ARMC5: variants seen among roughly 807,000 people sequenced by gnomAD.
ARMC5 encodes armadillo repeat containing 5.
Under a neutral mutation model 60.5 loss-of-function variants are expected in ARMC5, and 28 were observed. The observed-to-expected ratio is 0.46, with a 90% CI of 0.34 to 0.63. The LOEUF (loss-of-function observed/expected upper bound fraction) is 0.63, where lower values mean the gene tolerates loss of function less well. ARMC5 is among the 30% of genes least tolerant of loss of function. ARMC5 has a pLI of 0.01. For synonymous variants in ARMC5, 680 were observed against 607.3 expected, an observed-to-expected ratio of 1.12 and a Z score of -1.76; for missense variants, 1,189 against 1,304.9, an observed-to-expected ratio of 0.91 and a Z score of 1.37.
At chr16:31,460,294 G>A (rs755587315) in intron 1 of ARMC5, 94 of 391,794 alleles carry the variant, frequency 2.4e-4, no homozygotes, top group Non-Finnish European at 3.4e-4. Context: ...TTTTTCAGAT[G>A]ATTCTTACCG....
rs145044900 is a variant in ARMC5, at chr16:31,460,696, A to T, written c.475+697A>T. On this transcript the variant is annotated intron_variant, in intron 1 of 5. Transcript: ENST00000268314. ...CAGTGAACAATGACTGCCTGTGAAT[A>T]GCCACTGCATTCCAGCCTGGGCAAC... Among the ~76,000 whole-genome samples, 597 of 152,330 alleles carry T rather than the reference A, an allele frequency of 3.9e-3. 4 individuals carry two copies. Among genetic ancestry groups the T allele is most frequent in the African/African-American group, 0.014 (570 of 41,574 alleles).
rs184376263 is a variant in ARMC5 at position 31,459,866 on chromosome 16, G to T, written c.342G>T (p.Val114=). Residue 114 remains valine (V), a synonymous_variant, in exon 1 of 6, where the codon GTG becomes GTT. Coordinates refer to ENST00000268314, the MANE Select transcript of ARMC5 (RefSeq NM_001105247.2). ...APASGPAPSA[V]SSSSPTPPVR... ...CGTCGGGCCCCGCCCCCTCCGCTGT[G>T]TCGTCGTCTAGTCCTACGCCGCCAG... is the stretch of plus-strand genomic sequence containing the variant. 1.0e-4 allele frequency: 166 copies of T among 1,601,726 alleles called. 1 individual carries two copies. In the East Asian group the frequency reaches 3.3e-3, roughly 32 times the overall value.
At chr16:31,463,683 C>T (rs955266134) in intron 3 of ARMC5, among the ~76,000 whole-genome samples, 1 of 152,130 alleles carries the variant, frequency 6.6e-6, no homozygotes, top group Non-Finnish European at 1.5e-5. Flanking sequence ...GTAGGGATTA[C>T]AGATGTGAGC....
chr16:31,458,343 T>C (rs1596597789), upstream of ARMC5: 4 of 1,479,080 alleles, frequency 2.7e-6, no homozygotes, highest in East Asian at 9.8e-5. Context: ...TGGATCAGGT[T>C]GGAGCTGACG....
chr16:31,462,364 T>A lies in ARMC5; in HGVS notation c.817T>A (p.Cys273Ser). Reference sequence around the variant, plus strand: ...ACTCAGCCGAGGCTGCTCCCGGGCCTGTGCTGAGCAGCTAAGTCTGGGTGG... The same window carrying A: ...ACTCAGCCGAGGCTGCTCCCGGGCCAGTGCTGAGCAGCTAAGTCTGGGTGG... ...LELSRGCSRACAEQLSLGGGL... is the reference protein window; with the variant it reads ...LELSRGCSRASAEQLSLGGGL... The change falls in exon 3 of 6, where the codon TGT (cysteine) becomes AGT (serine). Residue 273 changes from cysteine to serine, a missense_variant. By Grantham distance (112) the Cys-to-Ser change is moderately radical. Around this residue, in one of 2 missense-constraint regions of ARMC5, gnomAD observed 862 missense variants for 1,071.2 expected, o/e 0.80. Transcript: ENST00000268314. The surrounding 1 kb of genome is among the most constrained non-coding windows in gnomAD (Gnocchi z 7.2). 1 of 1,609,550 alleles carries A rather than the reference T, an allele frequency of 6.2e-7. No individual in the cohort carries two copies. The highest frequency in any genetic ancestry group is 8.5e-7 in the Non-Finnish European group (1 of 1,177,446).
At position 31,464,497 on chromosome 16, in the gene ARMC5, G is replaced by T; in HGVS notation, c.1474G>T (p.Ala492Ser). Residue 492 changes from alanine to serine, a missense_variant, in exon 4 of 6, where the codon GCC (alanine) becomes TCC (serine). Transcript: ENST00000268314. The surrounding 1 kb of genome is among the most constrained non-coding windows in gnomAD (Gnocchi z 7.6). The part of the protein sequence containing the change: ...PPEPMEPASP[A>S]PTPTSLRAPR... ...GGAGCCCATGGAGCCGGCCAGCCCCGCCCCGACCCCGACCTCGCTGCGGGC... is the reference window on the plus strand; with the variant it reads ...GGAGCCCATGGAGCCGGCCAGCCCCTCCCCGACCCCGACCTCGCTGCGGGC... 5.6e-6 allele frequency: 9 copies of T among 1,607,766 alleles called. No homozygotes were observed. The highest frequency in any genetic ancestry group is 1.7e-4 in the Middle Eastern group (1 of 6,040).
At chr16:31,460,116 C>G in intron 1 of ARMC5, 117 bp downstream of exon 1, 1 of 1,119,056 alleles carries the variant, frequency 8.9e-7, no homozygotes, top group South Asian at 1.3e-5. Flanking sequence ...TTTGTGATGG[C>G]GCATCGCTCC....
At chr16:31,458,547 G>T, upstream of ARMC5, 2 of 1,520,802 alleles carry the variant, frequency 1.3e-6, no homozygotes, top group Non-Finnish European at 1.8e-6. Flanking sequence ...GAATGAAGCC[G>T]GGGAGGCAGG....
At position 31,459,868 on chromosome 16, in the gene ARMC5, C is replaced by T. The variant is rs771753877; in HGVS notation, c.344C>T (p.Ser115Leu). Residue 115 changes from serine (S) to leucine (L), a missense_variant, in exon 1 of 6, where the codon TCG becomes TTG. Coordinates refer to ENST00000268314, the MANE Select transcript of ARMC5 (RefSeq NM_001105247.2). Reference protein sequence around the residue: ...PASGPAPSAVSSSSPTPPVRL... With the variant: ...PASGPAPSAVLSSSPTPPVRL... ...TCGGGCCCCGCCCCCTCCGCTGTGT[C>T]GTCGTCTAGTCCTACGCCGCCAGTG... 6.9e-6 allele frequency: 11 copies of T among 1,602,080 alleles called. No individual in the cohort carries two copies. The highest frequency in any genetic ancestry group is 2.2e-5 in the East Asian group (1 of 44,748).
At chr16:31,459,240 G>C, upstream of ARMC5, 1 of 1,532,940 alleles carries the variant, frequency 6.5e-7, no homozygotes, top group Non-Finnish European at 8.7e-7. Flanking sequence ...GAGGGCCCTG[G>C]AAGAGTTTCC....
rs201598043 is a variant in ARMC5 at position 31,462,371 on chromosome 16, A to C, written c.824A>C (p.Glu275Ala). The change falls in exon 3 of 6, where the codon GAG becomes GCG. Residue 275 changes from glutamate to alanine, a missense_variant. Glu to Ala is a moderately radical substitution (Grantham distance 107, BLOSUM62 -1). Transcript: ENST00000268314. This position sits in a 1 kb window ranked among gnomAD's most constrained non-coding sequence, Gnocchi z 7.2. The stretch of plus-strand genomic sequence containing the variant: ...CGAGGCTGCTCCCGGGCCTGTGCTG[A>C]GCAGCTAAGTCTGGGTGGGGGATTG... ...LSRGCSRACAEQLSLGGGLGP... is the reference protein window; with the variant it reads ...LSRGCSRACAAQLSLGGGLGP... 2 of 1,609,858 alleles carry C rather than the reference A, an allele frequency of 1.2e-6. No individual in the cohort carries two copies. The highest frequency in any genetic ancestry group is 2.7e-5 in the African/African-American group (2 of 74,964).
upstream of ARMC5, chr16:31,459,430 T>C (rs1422948423): frequency 1.4e-5 from 22 of 1,540,750 alleles, no homozygotes; most frequent in Non-Finnish European, 1.9e-5. Flanking sequence ...CTAAACAGCG[T>C]CAGCGAGGCG....
At chr16:31,460,257 G>A (rs985457416) in intron 1 of ARMC5, 31 of 483,778 alleles carry the variant, frequency 6.4e-5, no homozygotes, top group African/African-American at 5.6e-4. Flanking sequence ...AGCTGGACTA[G>A]CGGAGGCCAA....
intron 1 of ARMC5, among the ~76,000 whole-genome samples, chr16:31,461,608 A>C (rs1035232229): frequency 2.0e-5 from 3 of 152,152 alleles, no homozygotes; most frequent in Admixed American, 6.6e-5. Flanking sequence ...CCTGGGTTCA[A>C]GCAATTCTCC....
At chr16:31,459,115 G>A, upstream of ARMC5, 3 of 1,479,684 alleles carry the variant, frequency 2.0e-6, no homozygotes, top group Non-Finnish European at 2.7e-6. Flanking sequence ...GGGGGGCAGC[G>A]AAGCGAGCCT....
chr16:31,465,548 C>A, intron 4 of ARMC5: 2 of 1,037,000 alleles, frequency 1.9e-6, no homozygotes, highest in Non-Finnish European at 2.6e-6. Flanking sequence ...TCTGGTATAA[C>A]TATTCTTGTT....
upstream of ARMC5, chr16:31,458,906 C>T: frequency 6.5e-7 from 1 of 1,535,672 alleles, no homozygotes; most frequent in Non-Finnish European, 8.7e-7. Context: ...ACTCGGGACA[C>T]CGGGGTCCAG....
upstream of ARMC5, chr16:31,458,466 G>C: frequency 1.3e-6 from 2 of 1,535,734 alleles, no homozygotes; most frequent in Non-Finnish European, 1.7e-6. Flanking sequence ...CCAGATCAGA[G>C]CCACATCGGA....
At chr16:31,463,689 T>C (rs1019051179) in intron 3 of ARMC5, among the ~76,000 whole-genome samples, 5 of 152,124 alleles carry the variant, frequency 3.3e-5, no homozygotes, top group Admixed American at 1.3e-4. Flanking sequence ...ATTACAGATG[T>C]GAGCCACCAT....
Sources: allele counts gnomAD v4.1 joint callset (sites outside exome capture counted in the v4.1 genomes callset), GRCh38; gene constraint gnomAD v4.1.1; regional missense constraint gnomAD v4.1.1; non-coding constraint Gnocchi (gnomAD v3.1); transcripts MANE v1.5; gene names NCBI Gene and HGNC (gene_info 2026-07-23, HGNC 2026-07-21).